Variants in FAM13A observed in about 807,000 individuals in gnomAD.
FAM13A encodes the protein family with sequence similarity 13 member A.
Under a neutral mutation model 129.6 loss-of-function variants are expected in FAM13A, and 76 were observed. That is an observed-to-expected ratio of 0.59 (90% CI 0.49 to 0.71). The LOEUF is 0.71. FAM13A is among the 30% of genes least tolerant of loss of function. The pLI, the probability that FAM13A is intolerant of heterozygous loss-of-function variation, is 0.00. For missense variants in FAM13A, 1,108 were observed against 1,249.3 expected (o/e 0.89, Z 1.70); for synonymous variants, 443 against 449.9 (o/e 0.98, Z 0.20).
intron 4 of FAM13A, among the ~76,000 whole-genome samples, chr4:88,953,182 G>A (rs914707294): frequency 5.9e-5 from 9 of 151,794 alleles, no homozygotes; most frequent in Admixed American, 1.3e-4. Context: ...TCAGCTGGGC[G>A]TGGTGGCTCA....
At chr4:88,851,259 A>C in intron 6 of FAM13A, 76 bp from the exon 7 acceptor site, 1 of 1,325,196 alleles carries the variant, frequency 7.5e-7, no homozygotes, top group Non-Finnish European at 1.0e-6. Context: ...TTATGATAAA[A>C]GACAATTTAT....
At chr4:88,823,079 GTCT>G (rs1428761749) in intron 7 of FAM13A, 1 of 1,600,276 alleles carries the variant, frequency 6.2e-7, no homozygotes. Context: ...TACAGTGAAC[GTCT>G]TCTTACAGTG....
intron 1 of FAM13A, among the ~76,000 whole-genome samples, chr4:89,038,133 G>A (rs1769630996): frequency 1.3e-5 from 2 of 152,170 alleles, no homozygotes; most frequent in African/African-American, 4.8e-5. Flanking sequence ...GCAGCTCTGC[G>A]AGGGCCCAAG....
chr4:88,742,943 A>T (rs932067936), intron 19 of FAM13A, among the ~76,000 whole-genome samples: 1 of 152,216 alleles, frequency 6.6e-6, no homozygotes, highest in South Asian at 2.1e-4. Context: ...GTAGTATATT[A>T]TCTCTTCAAA....
chr4:88,767,518 C>T (rs775466049), intron 13 of FAM13A, 35 bp downstream of exon 13: 86 of 1,539,612 alleles, frequency 5.6e-5, no homozygotes, highest in Non-Finnish European at 6.6e-5. Context: ...TGAACAGCCC[C>T]GTCACAGTCT....
intron 6 of FAM13A, among the ~76,000 whole-genome samples, chr4:88,872,919 C>T (rs918681589): frequency 1.7e-4 from 26 of 152,252 alleles, no homozygotes; most frequent in African/African-American, 6.0e-4. Context: ...TGTAAAATAA[C>T]AGAAATTATA....
At chr4:88,962,616 C>CGA (rs895691173) in intron 4 of FAM13A, among the ~76,000 whole-genome samples, 1 of 151,828 alleles carries the variant, frequency 6.6e-6, no homozygotes, top group Non-Finnish European at 1.5e-5. Flanking sequence ...GCGGGGAGAG[C>CGA]GAGAGAGAGA....
intron 4 of FAM13A, among the ~76,000 whole-genome samples, chr4:88,984,333 A>G (rs924077498): frequency 3.3e-5 from 5 of 152,208 alleles, no homozygotes; most frequent in Non-Finnish European, 5.9e-5. Flanking sequence ...TTAAAAGGAC[A>G]TGATCAAGAA....
At chr4:89,022,342 C>T (rs1767382485) in intron 2 of FAM13A, among the ~76,000 whole-genome samples, 1 of 152,116 alleles carries the variant, frequency 6.6e-6, no homozygotes, top group Admixed American at 6.5e-5. Context: ...AAATTCAACA[C>T]TATCATTACC....
At position 88,750,176 on chromosome 4, in the gene FAM13A, C is replaced by G. The variant is rs932174070; in HGVS notation, c.1940+248G>C. The stretch of plus-strand genomic sequence containing the variant: ...GACATCAACCTTTCCTGTGGGCCTA[C>G]AAGAGCTGAATTGGAGAGCGCTTTG... On this transcript the variant is annotated intron_variant, in intron 15 of 23. Coordinates refer to ENST00000264344, the MANE Select transcript of FAM13A (RefSeq NM_014883.4). 5.3e-5 allele frequency among the ~76,000 whole-genome samples: 8 copies of G among 152,236 alleles called. No individual in the cohort carries two copies. The East Asian group carries it at 1.5e-3, about 29-fold the overall frequency.
chr4:88,860,183 G>C (rs1446789176), intron 6 of FAM13A, among the ~76,000 whole-genome samples: 1 of 152,100 alleles, frequency 6.6e-6, no homozygotes, highest in African/African-American at 2.4e-5. Context: ...GTTCATCAAA[G>C]CACTAATCAA....
intron 4 of FAM13A, among the ~76,000 whole-genome samples, chr4:88,976,668 G>GTTGTGTTTATAAAGTT (rs142994358): frequency 6.6e-6 from 1 of 150,538 alleles, no homozygotes; most frequent in African/African-American, 2.4e-5. Context: ...TAGCCTAAGT[G>GTTGTGTTTATAAAGTT]TACAGTAGTG....
intron 6 of FAM13A, among the ~76,000 whole-genome samples, chr4:88,891,848 C>T (rs910695022): frequency 2.6e-5 from 4 of 152,046 alleles, no homozygotes; most frequent in African/African-American, 9.7e-5. Flanking sequence ...ATGTCATAAA[C>T]CCAGTAATAA....
At chr4:89,055,292 T>C (rs1386087587) in intron 1 of FAM13A, among the ~76,000 whole-genome samples, 2 of 152,142 alleles carry the variant, frequency 1.3e-5, no homozygotes, top group African/African-American at 4.8e-5. Flanking sequence ...CTGTTGAAAA[T>C]GTATTTCCTC....
At chr4:88,821,693 C>T (rs1185985977) in intron 7 of FAM13A, among the ~76,000 whole-genome samples, 6 of 152,146 alleles carry the variant, frequency 3.9e-5, no homozygotes, top group Admixed American at 3.9e-4. Flanking sequence ...AATCAAGACT[C>T]CACAAAGTGT....
intron 14 of FAM13A, among the ~76,000 whole-genome samples, chr4:88,754,563 C>T (rs1423858755): frequency 6.6e-6 from 1 of 152,162 alleles, no homozygotes; most frequent in Admixed American, 6.5e-5. Context: ...CAAGATGTAA[C>T]CATTTTTCTG....
At chr4:89,047,213 T>C (rs1342963864) in intron 1 of FAM13A, among the ~76,000 whole-genome samples, 1 of 152,190 alleles carries the variant, frequency 6.6e-6, no homozygotes, top group Non-Finnish European at 1.5e-5. Context: ...TTTTTATAAG[T>C]CTATATGATC....
chr4:88,877,414 C>T (rs2150109270), intron 6 of FAM13A, among the ~76,000 whole-genome samples: 1 of 152,268 alleles, frequency 6.6e-6, no homozygotes, highest in African/African-American at 2.4e-5. Flanking sequence ...ATCTGAAATA[C>T]AGCAGTCTGG....
Position 88,727,055 on chromosome 4 carries a change from ATTCTTT to A in FAM13A, c.*1472_*1477del, listed in dbSNP as rs1429283584. The A allele has an allele frequency of 4.6e-5, 7 of 152,386 alleles. No individual in the cohort carries two copies. Among genetic ancestry groups the A allele is most frequent in the South Asian group, 2.1e-4 (1 of 4,830 alleles). The allele number at this position is 152,386 out of a possible 1,614,324, so 9.4% of individuals were successfully genotyped here. A position where few individuals can be genotyped will look rare whatever the true frequency, so the allele number is the denominator to read the frequency against. ...TGAAAACGGGTCAGTATAGTTTTAC[ATTCTTT>A]TTCTTTTCCTTAAAACTGTGCCCTT... On this transcript the variant is annotated 3_prime_UTR_variant, in exon 24 of 24. Coordinates refer to ENST00000264344, the MANE Select transcript of FAM13A (RefSeq NM_014883.4).
Sources: allele counts gnomAD v4.1 joint callset (sites outside exome capture counted in the v4.1 genomes callset), GRCh38; gene constraint gnomAD v4.1.1; transcripts MANE v1.5; gene names NCBI Gene and HGNC (gene_info 2026-07-23, HGNC 2026-07-21).